ZNRF1: variants seen among roughly 807,000 people sequenced by gnomAD.
ZNRF1 encodes zinc and ring finger 1, also known as E3 ubiquitin-protein ligase ZNRF1.
A neutral mutation model predicts 18.4 loss-of-function variants in ZNRF1; 3 were observed. The ratio of observed to expected loss-of-function variants is 0.16; its 90% confidence interval spans 0.07 to 0.42. The LOEUF is 0.42. Ranked by LOEUF, ZNRF1 falls within the 10% of genes least tolerant of loss-of-function variation. The pLI, the probability that ZNRF1 is intolerant of heterozygous loss-of-function variation, is 0.99. For missense variants in ZNRF1, 310 were observed against 329.8 expected, an observed-to-expected ratio of 0.94 and a Z score of 0.47; for synonymous variants, 157 against 144.2, an observed-to-expected ratio of 1.09 and a Z score of -0.64.
intron 2 of ZNRF1, 75 bp downstream of exon 2, chr16:75,093,742 A>C (rs2036168020): frequency 1.6e-6 from 2 of 1,236,426 alleles, no homozygotes; most frequent in Non-Finnish European, 2.4e-6. Context: ...GGGAGCCTCC[A>C]GTCGAGGGTG....
intron 1 of ZNRF1, among the ~76,000 whole-genome samples, chr16:75,058,328 G>C (rs1449758302): frequency 1.3e-5 from 2 of 152,018 alleles, no homozygotes; most frequent in Non-Finnish European, 2.9e-5. Flanking sequence ...CTTGAGGTGA[G>C]CTGTTCTCAT....
intron 1 of ZNRF1, among the ~76,000 whole-genome samples, chr16:75,070,679 T>G (rs1196425911): frequency 6.7e-6 from 1 of 148,962 alleles, no homozygotes; most frequent in African/African-American, 2.4e-5. Context: ...ACCATACCCC[T>G]TCCCAGTTGC....
At chr16:75,084,888 A>G (rs1385193915) in intron 1 of ZNRF1, among the ~76,000 whole-genome samples, 1 of 152,132 alleles carries the variant, frequency 6.6e-6, no homozygotes, top group African/African-American at 2.4e-5. Context: ...AAAATTTCAA[A>G]CGTTTGGAAA....
chr16:75,078,609 A>G (rs573770101), intron 1 of ZNRF1, among the ~76,000 whole-genome samples: 1 of 152,208 alleles, frequency 6.6e-6, no homozygotes, highest in South Asian at 2.1e-4. Flanking sequence ...ACACATTTCA[A>G]TAAGTGGTAT....
chr16:75,010,709 TTGTTTTTTTG>T (rs2034985659), intron 1 of ZNRF1, among the ~76,000 whole-genome samples: 1 of 39,430 alleles, frequency 2.5e-5, no homozygotes, highest in Admixed American at 4.5e-4. Context: ...CTGTTTTTTT[TTGTTTTTTTG>T]TTTTTTTTTT....
chr16:75,078,969 G>A (rs1473166311), intron 1 of ZNRF1, among the ~76,000 whole-genome samples: 1 of 152,158 alleles, frequency 6.6e-6, no homozygotes, highest in African/African-American at 2.4e-5. Context: ...GTATGTCCAT[G>A]TTCCTGCTAC....
At chr16:75,092,160 C>T in intron 1 of ZNRF1, among the ~76,000 whole-genome samples, 1 of 152,012 alleles carries the variant, frequency 6.6e-6, no homozygotes. Context: ...TTTTTAATAA[C>T]ATTTAAAAAT....
intron 1 of ZNRF1, among the ~76,000 whole-genome samples, chr16:75,037,199 G>T (rs1373081169): frequency 6.6e-6 from 1 of 152,152 alleles, no homozygotes. Context: ...AGGATCTTTT[G>T]TTCCTCCTGT....
At chr16:75,027,283 GAAAAT>G (rs1032846974) in intron 1 of ZNRF1, among the ~76,000 whole-genome samples, 1 of 151,874 alleles carries the variant, frequency 6.6e-6, no homozygotes, top group African/African-American at 2.4e-5. Context: ...AAAAAAAAAA[GAAAAT>G]AAAAGTGCTG....
At chr16:75,041,859 G>A (rs1474994551) in intron 1 of ZNRF1, among the ~76,000 whole-genome samples, 2 of 151,794 alleles carry the variant, frequency 1.3e-5, no homozygotes, top group African/African-American at 4.8e-5. Flanking sequence ...AGCTGGGCAT[G>A]GTGGCAGACG....
chr16:75,059,109 A>G (rs2035705718), intron 1 of ZNRF1, among the ~76,000 whole-genome samples: 1 of 152,010 alleles, frequency 6.6e-6, no homozygotes. Flanking sequence ...GACTGTTTTG[A>G]GAGTAGGTGT....
intron 1 of ZNRF1, among the ~76,000 whole-genome samples, chr16:75,005,316 T>G (rs1190765072): frequency 6.6e-6 from 1 of 152,240 alleles, no homozygotes; most frequent in Admixed American, 6.5e-5. Flanking sequence ...TAACTCTTGC[T>G]TATTGAGGTT....
intron 1 of ZNRF1, among the ~76,000 whole-genome samples, chr16:75,077,114 C>T (rs4887803): frequency 0.086 from 13,031 of 152,248 alleles, 671 homozygotes; most frequent in Admixed American, 0.13. Flanking sequence ...TGATCCAGGC[C>T]GGGCATGGTG....
intron 1 of ZNRF1, among the ~76,000 whole-genome samples, chr16:75,007,529 A>G (rs1045000614): frequency 2.0e-5 from 3 of 152,198 alleles, no homozygotes; most frequent in South Asian, 2.1e-4. Context: ...AGGCATGATA[A>G]GAATTTATAG....
chr16:75,057,446 A>G (rs1002549386), intron 1 of ZNRF1, among the ~76,000 whole-genome samples: 1 of 152,152 alleles, frequency 6.6e-6, no homozygotes, highest in Non-Finnish European at 1.5e-5. Context: ...TTTATTCCTT[A>G]GCCAGGGGCT....
At chr16:75,006,868 T>C (rs1372211573) in intron 1 of ZNRF1, among the ~76,000 whole-genome samples, 1 of 152,132 alleles carries the variant, frequency 6.6e-6, no homozygotes, top group Non-Finnish European at 1.5e-5. Flanking sequence ...GAGAAGGGGA[T>C]TCTTAGAGAC....
intron 1 of ZNRF1, among the ~76,000 whole-genome samples, chr16:75,092,812 G>T (rs1356417485): frequency 6.6e-6 from 1 of 152,294 alleles, no homozygotes; most frequent in Non-Finnish European, 1.5e-5. Context: ...GGCGGCTGAG[G>T]CTGGGAGCTG....
intron 1 of ZNRF1, among the ~76,000 whole-genome samples, chr16:75,004,021 C>T (rs1054997232): frequency 1.3e-5 from 2 of 150,388 alleles, no homozygotes; most frequent in South Asian, 2.1e-4. Context: ...AGTGCAGTGG[C>T]GAGATCATAG....
intron 1 of ZNRF1, among the ~76,000 whole-genome samples, chr16:75,013,477 G>C (rs2035026769): frequency 6.6e-6 from 1 of 152,058 alleles, no homozygotes; most frequent in African/African-American, 2.4e-5. Flanking sequence ...CTCCCGAGTA[G>C]CTGGGACTGC....
Sources: allele counts gnomAD v4.1 joint callset (sites outside exome capture counted in the v4.1 genomes callset), GRCh38; gene constraint gnomAD v4.1.1; transcripts MANE v1.5; gene names NCBI Gene and HGNC (gene_info 2026-07-23, HGNC 2026-07-21).